The following PTPRD variants were observed in gnomAD, a reference collection of about 807,000 sequenced individuals.
PTPRD encodes protein tyrosine phosphatase receptor type D, also known as receptor-type tyrosine-protein phosphatase delta.
A neutral mutation model predicts 214.5 loss-of-function variants in PTPRD; 34 were observed. The ratio of observed to expected loss-of-function variants is 0.16; its 90% CI spans 0.12 to 0.21. The LOEUF (loss-of-function observed/expected upper bound fraction) is 0.21. Ranked by LOEUF, PTPRD falls within the 10% of genes least tolerant of loss-of-function variation. PTPRD has a pLI of 1.00. For missense variants in PTPRD, 2,545 were observed against 2,398.7 expected, an observed-to-expected ratio of 1.06 and a Z score of -1.27; for synonymous variants, 1,128 against 845.7, an observed-to-expected ratio of 1.33 and a Z score of -5.79.
At chr9:10,231,191 G>A (rs1301293772) in intron 3 of PTPRD, among the ~76,000 whole-genome samples, 1 of 151,930 alleles carries the variant, frequency 6.6e-6, no homozygotes, top group Non-Finnish European at 1.5e-5. Context: ...TTAATCAAGT[G>A]TGACATACAA....
At chr9:10,199,174 T>C (rs1465536086) in intron 3 of PTPRD, among the ~76,000 whole-genome samples, 1 of 152,074 alleles carries the variant, frequency 6.6e-6, no homozygotes, top group Non-Finnish European at 1.5e-5. Flanking sequence ...GAACTGATTC[T>C]TATTTATTTT....
chr9:9,296,939 G>A (rs890554901), intron 9 of PTPRD, among the ~76,000 whole-genome samples: 1 of 151,790 alleles, frequency 6.6e-6, no homozygotes. Flanking sequence ...AAAGCAATTA[G>A]TGTTAAGATC....
At chr9:9,268,506 G>C (rs886131484) in intron 9 of PTPRD, among the ~76,000 whole-genome samples, 3 of 151,014 alleles carry the variant, frequency 2.0e-5, no homozygotes, top group Admixed American at 6.6e-5. Flanking sequence ...CAGAAATAGA[G>C]AAAGGAATCT....
intron 11 of PTPRD, among the ~76,000 whole-genome samples, chr9:8,798,741 AT>A (rs1359312181): frequency 1.3e-5 from 2 of 152,212 alleles, no homozygotes; most frequent in Non-Finnish European, 1.5e-5. Context: ...AGTTAAATGC[AT>A]TTAATCTGCA....
At chr9:9,765,043 G>A (rs1342442970) in intron 6 of PTPRD, among the ~76,000 whole-genome samples, 1 of 152,106 alleles carries the variant, frequency 6.6e-6, no homozygotes, top group Non-Finnish European at 1.5e-5. Flanking sequence ...AGAGATTTGT[G>A]CCTGGAGCCA....
intron 11 of PTPRD, among the ~76,000 whole-genome samples, chr9:8,963,886 T>A (rs2099171999): frequency 6.6e-6 from 1 of 152,178 alleles, no homozygotes; most frequent in African/African-American, 2.4e-5. Context: ...AGTGCTAGGA[T>A]TACAGGCATG....
At chr9:10,100,281 G>C (rs2098538884) in intron 3 of PTPRD, among the ~76,000 whole-genome samples, 1 of 151,588 alleles carries the variant, frequency 6.6e-6, no homozygotes. Context: ...TTAATAGTTA[G>C]AACAATATGA....
At chr9:10,505,465 C>T (rs923558918) in intron 2 of PTPRD, among the ~76,000 whole-genome samples, 17 of 152,158 alleles carry the variant, frequency 1.1e-4, no homozygotes, top group African/African-American at 4.1e-4. Context: ...GACATATCAG[C>T]CACTGAGTCA....
intron 12 of PTPRD, among the ~76,000 whole-genome samples, chr9:8,684,148 A>T (rs1205153136): frequency 6.6e-6 from 1 of 152,286 alleles, no homozygotes; most frequent in Admixed American, 6.5e-5. Flanking sequence ...CTGTGATAGT[A>T]ACAGATGTCT....
At chr9:8,813,134 G>C (rs1368782427) in intron 11 of PTPRD, among the ~76,000 whole-genome samples, 1 of 152,144 alleles carries the variant, frequency 6.6e-6, no homozygotes, top group Non-Finnish European at 1.5e-5. Flanking sequence ...AATAAATGGG[G>C]CTCCAATGTG....
chr9:8,441,615 T>A (rs146097061), intron 34 of PTPRD, among the ~76,000 whole-genome samples: 302 of 151,510 alleles, frequency 2.0e-3, no homozygotes, highest in Non-Finnish European at 3.7e-3. Context: ...GTGTTGGGAG[T>A]GACAGACTGC....
chr9:9,677,089 C>A (rs1410104212), intron 7 of PTPRD, among the ~76,000 whole-genome samples: 5 of 152,066 alleles, frequency 3.3e-5, no homozygotes, highest in Non-Finnish European at 7.3e-5. Context: ...CCTGTTCACT[C>A]TGATGGTAGT....
intron 11 of PTPRD, among the ~76,000 whole-genome samples, chr9:8,910,134 G>C (rs960437754): frequency 1.3e-5 from 2 of 151,990 alleles, no homozygotes; most frequent in African/African-American, 4.8e-5. Flanking sequence ...TGCCACCCAG[G>C]TTCACACCCT....
chr9:9,949,921 G>T (rs1046830494), intron 4 of PTPRD, among the ~76,000 whole-genome samples: 20 of 152,118 alleles, frequency 1.3e-4, no homozygotes, highest in Non-Finnish European at 2.9e-5. Context: ...CAAAAAATTT[G>T]TTTGTAGGGT....
intron 9 of PTPRD, among the ~76,000 whole-genome samples, chr9:9,239,727 G>A (rs1361073288): frequency 2.0e-5 from 3 of 152,176 alleles, no homozygotes; most frequent in Admixed American, 1.3e-4. Context: ...GCTAGCCAAA[G>A]TGCAGGGTCA....
intron 14 of PTPRD, among the ~76,000 whole-genome samples, chr9:8,607,378 C>G (rs1352389906): frequency 6.6e-6 from 1 of 152,094 alleles, no homozygotes; most frequent in Non-Finnish European, 1.5e-5. Flanking sequence ...GGTGCGGTGC[C>G]GCATGCCTGT....
chr9:8,385,844 C>T (rs563628756), intron 37 of PTPRD, among the ~76,000 whole-genome samples: 1 of 152,220 alleles, frequency 6.6e-6, no homozygotes, highest in African/African-American at 2.4e-5. Flanking sequence ...GGTCTGAGCT[C>T]CTCTCTCCTC....
chr9:8,940,461 TTTG>T, intron 11 of PTPRD, among the ~76,000 whole-genome samples: 3 of 139,730 alleles, frequency 2.1e-5, no homozygotes, highest in Non-Finnish European at 4.7e-5. Flanking sequence ...TTTTTTTTTT[TTTG>T]GTATTTTTAA....
chr9:9,133,195 A>T (rs1310051746), intron 10 of PTPRD, among the ~76,000 whole-genome samples: 1 of 152,168 alleles, frequency 6.6e-6, no homozygotes, highest in Non-Finnish European at 1.5e-5. Context: ...TCCTAAAACC[A>T]TTGGAAGAGA....
Sources: allele counts gnomAD v4.1 joint callset (sites outside exome capture counted in the v4.1 genomes callset), GRCh38; gene constraint gnomAD v4.1.1; transcripts MANE v1.5; gene names NCBI Gene and HGNC (gene_info 2026-07-23, HGNC 2026-07-21).